The following SLC35F4 variants were observed in gnomAD, a reference collection of about 807,000 sequenced individuals.
The protein encoded by SLC35F4 is solute carrier family 35 member F4.
A neutral mutation model predicts 44.2 loss-of-function variants in SLC35F4; 24 were observed. The ratio of observed to expected loss-of-function variants is 0.54; its 90% CI spans 0.39 to 0.76. The LOEUF (loss-of-function observed/expected upper bound fraction) is 0.76. Ranked by LOEUF, SLC35F4 falls within the 30% of genes least tolerant of loss-of-function variation. The probability of loss-of-function intolerance (pLI) is 0.00; values close to 1 mark genes in which losing one functional copy is unlikely to be tolerated. For missense variants in SLC35F4, 562 were observed against 586.1 expected (o/e 0.96, Z 0.42); for synonymous variants, 238 against 223.6 (o/e 1.06, Z -0.57).
chr14:57,926,417 T>C (rs1304347548), intron 1 of SLC35F4, among the ~76,000 whole-genome samples: 1 of 152,154 alleles, frequency 6.6e-6, no homozygotes, highest in Non-Finnish European at 1.5e-5. Flanking sequence ...ACTTACACAG[T>C]CACGCAAACA....
At chr14:57,565,514 CTTAT>C (rs1341370410) in intron 7 of SLC35F4, among the ~76,000 whole-genome samples, 2 of 152,174 alleles carry the variant, frequency 1.3e-5, no homozygotes, top group Non-Finnish European at 2.9e-5. Flanking sequence ...GGGACTGTGC[CTTAT>C]TCAGGACCTG....
intron 1 of SLC35F4, among the ~76,000 whole-genome samples, chr14:57,734,709 GA>G (rs1298750944): frequency 1.3e-4 from 20 of 152,006 alleles, no homozygotes; most frequent in African/African-American, 4.3e-4. Context: ...TTTGGAAAAA[GA>G]AAAGGCTTTT....
At chr14:57,879,412 C>T in intron 1 of SLC35F4, among the ~76,000 whole-genome samples, 1 of 152,052 alleles carries the variant, frequency 6.6e-6, no homozygotes, top group East Asian at 1.9e-4. Context: ...ACCATCAAGC[C>T]TGAGCCCTAG....
At chr14:57,791,668 T>A (rs1445749971) in intron 1 of SLC35F4, among the ~76,000 whole-genome samples, 2 of 151,924 alleles carry the variant, frequency 1.3e-5, no homozygotes, top group Non-Finnish European at 2.9e-5. Context: ...TGCACATGTA[T>A]ATTTACTACA....
intron 1 of SLC35F4, among the ~76,000 whole-genome samples, chr14:57,744,532 C>A (rs1321000553): frequency 6.6e-6 from 1 of 151,978 alleles, no homozygotes; most frequent in Non-Finnish European, 1.5e-5. Flanking sequence ...ACATGAGGGA[C>A]CTCTTCAAGG....
chr14:57,887,794 A>C (rs1210156359), intron 1 of SLC35F4, among the ~76,000 whole-genome samples: 1 of 152,160 alleles, frequency 6.6e-6, no homozygotes, highest in Non-Finnish European at 1.5e-5. Flanking sequence ...CTCAAGAGGG[A>C]GCCTCAACAG....
At chr14:57,845,626 T>G (rs570545137) in intron 1 of SLC35F4, among the ~76,000 whole-genome samples, 1 of 152,344 alleles carries the variant, frequency 6.6e-6, no homozygotes, top group East Asian at 1.9e-4. Context: ...TGTGTTAAGT[T>G]TTAGCATAAG....
chr14:57,592,091 A>G (rs1221753248), intron 2 of SLC35F4, among the ~76,000 whole-genome samples: 1 of 152,108 alleles, frequency 6.6e-6, no homozygotes, highest in Non-Finnish European at 1.5e-5. Context: ...TTTTAACATG[A>G]TTTTCTATAG....
At position 57,564,058 on chromosome 14, in the gene SLC35F4, T is replaced by G; in HGVS notation, c.*77A>C. On this transcript the variant is annotated 3_prime_UTR_variant, in exon 8 of 8. Transcript: ENST00000556826. ...CCAAATTCAGAGTTAATACTGTCGTTTGAGTGTACAGGTAGTGAGAAAATT... is the reference window on the plus strand; with the variant it reads ...CCAAATTCAGAGTTAATACTGTCGTGTGAGTGTACAGGTAGTGAGAAAATT... 1.9e-5 allele frequency: 28 copies of G among 1,512,128 alleles called. No individual in the cohort carries two copies. Among genetic ancestry groups the G allele is most frequent in the African/African-American group, 2.7e-5 (2 of 73,124 alleles). 93.7% of individuals were successfully genotyped at this position (1,512,128 alleles called of 1,614,324 possible).
chr14:57,969,928 C>A (rs1027749386), intron 1 of SLC35F4, among the ~76,000 whole-genome samples: 1 of 152,138 alleles, frequency 6.6e-6, no homozygotes, highest in Non-Finnish European at 1.5e-5. Flanking sequence ...GGAGCCCCCA[C>A]AAAAGTCTCA....
chr14:57,895,042 G>A (rs1475352795), intron 1 of SLC35F4, among the ~76,000 whole-genome samples: 1 of 152,142 alleles, frequency 6.6e-6, no homozygotes, highest in Non-Finnish European at 1.5e-5. Context: ...GCAGTGTGCT[G>A]AACATAGGTG....
chr14:57,919,376 C>A (rs185344494), intron 1 of SLC35F4, among the ~76,000 whole-genome samples: 1 of 152,102 alleles, frequency 6.6e-6, no homozygotes, highest in Non-Finnish European at 1.5e-5. Flanking sequence ...TTCTAACTTG[C>A]GACACTTCAA....
At chr14:57,814,333 C>A (rs1882328063) in intron 1 of SLC35F4, among the ~76,000 whole-genome samples, 2 of 152,218 alleles carry the variant, frequency 1.3e-5, no homozygotes, top group Non-Finnish European at 2.9e-5. Context: ...GCAATGGCAT[C>A]AGTTTCTCTG....
intron 1 of SLC35F4, chr14:57,602,354 A>G (rs1203107470): frequency 2.0e-5 from 3 of 152,104 alleles, no homozygotes; most frequent in Admixed American, 6.6e-5. Flanking sequence ...TTGAAAGCAG[A>G]ATTTCGGGAA....
chr14:57,659,035 T>C (rs1047304093), intron 1 of SLC35F4, among the ~76,000 whole-genome samples: 1 of 152,140 alleles, frequency 6.6e-6, no homozygotes, highest in Non-Finnish European at 1.5e-5. Flanking sequence ...CTCTCAGATA[T>C]CATTGTCTAG....
At chr14:57,597,239 T>G (rs1318892156) in intron 1 of SLC35F4, among the ~76,000 whole-genome samples, 2 of 152,214 alleles carry the variant, frequency 1.3e-5, no homozygotes, top group African/African-American at 4.8e-5. Flanking sequence ...TAAACTGTAT[T>G]AGGAGTGATG....
Position 57,615,992 on chromosome 14 carries a change from T to A in SLC35F4, c.104-21868A>T, listed in dbSNP as rs80039390. Among the ~76,000 whole-genome samples, 3 of 152,228 alleles carry A rather than the reference T, an allele frequency of 2.0e-5. No homozygotes were observed. The East Asian group carries it at 5.8e-4, about 29-fold the overall frequency. ...GTCTCTTGATTTTCTACATTTAAAA[T>A]TGGAAAATAACTACCATTTCTTTAT... On this transcript the variant is annotated intron_variant, in intron 1 of 7. Coordinates refer to ENST00000556826, the MANE Select transcript of SLC35F4 (RefSeq NM_001306087.2).
intron 1 of SLC35F4, among the ~76,000 whole-genome samples, chr14:57,751,301 A>G (rs1274874382): frequency 1.3e-5 from 2 of 152,172 alleles, no homozygotes; most frequent in African/African-American, 4.8e-5. Context: ...ATCTCCATGT[A>G]GTTAGTAGTA....
chr14:57,636,209 G>A (rs1372079842), intron 1 of SLC35F4, among the ~76,000 whole-genome samples: 2 of 152,108 alleles, frequency 1.3e-5, no homozygotes, highest in Non-Finnish European at 2.9e-5. Context: ...AACACTGGGC[G>A]CTGACTCCTC....
Sources: gnomAD v4.1 joint callset for allele counts (sites outside exome capture counted in the v4.1 genomes callset) on GRCh38, gnomAD v4.1.1 for gene constraint, MANE v1.5 for transcripts, NCBI Gene and HGNC (gene_info 2026-07-23, HGNC 2026-07-21) for gene names.